Variants in CIP2A observed in about 807,000 individuals in gnomAD.
CIP2A encodes protein CIP2A.
In CIP2A, 103 loss-of-function variants were observed where a neutral mutation model predicts 110.9. The observed-to-expected ratio is 0.93, with a 90% CI of 0.79 to 1.09. The LOEUF (loss-of-function observed/expected upper bound fraction) is 1.09, where lower values mean the gene tolerates loss of function less well. CIP2A is among the 50% of genes least tolerant of loss of function. CIP2A has a pLI of 0.00. For missense variants in CIP2A, 1,088 were observed against 1,038.4 expected (o/e 1.05, Z -0.66); for synonymous variants, 381 against 361.6 (o/e 1.05, Z -0.61).
intron 1 of CIP2A, 112 bp from the exon 2 acceptor site, chr3:108,585,324 T>G: frequency 1.0e-6 from 1 of 975,032 alleles, no homozygotes; most frequent in Non-Finnish European, 1.5e-6. Flanking sequence ...CTTCCCAATT[T>G]AAAAAATTCA....
At chr3:108,564,854 C>T (rs1268252565) in intron 12 of CIP2A, among the ~76,000 whole-genome samples, 1 of 151,790 alleles carries the variant, frequency 6.6e-6, no homozygotes, top group Admixed American at 6.6e-5. Context: ...ATTTGTTGTA[C>T]TTTGCCTTTT....
chr3:108,560,230 G>T (rs1937953039), intron 14 of CIP2A, among the ~76,000 whole-genome samples: 1 of 151,494 alleles, frequency 6.6e-6, no homozygotes, highest in Non-Finnish European at 1.5e-5. Context: ...GGAGTGAAGT[G>T]GTATGATCTT....
chr3:108,579,781 T>C, intron 5 of CIP2A, 93 bp from the exon 6 acceptor site: 1 of 574,790 alleles, frequency 1.7e-6, no homozygotes, highest in Non-Finnish European at 2.8e-6. Flanking sequence ...CAAACTTTTA[T>C]TAAACATCAT....
At chr3:108,563,022 T>G (rs1031891126) in intron 13 of CIP2A, 104 bp downstream of exon 13, 1 of 682,600 alleles carries the variant, frequency 1.5e-6, no homozygotes, top group African/African-American at 1.8e-5. Context: ...TACAATGAAG[T>G]CTTCAATTCA....
At chr3:108,582,437 T>C (rs1938914536) in intron 3 of CIP2A, among the ~76,000 whole-genome samples, 1 of 152,212 alleles carries the variant, frequency 6.6e-6, no homozygotes, top group Non-Finnish European at 1.5e-5. Context: ...ATCTTAAACT[T>C]GAATGCAGTT....
At chr3:108,561,098 G>A (rs1413787339) in intron 13 of CIP2A, among the ~76,000 whole-genome samples, 1 of 152,128 alleles carries the variant, frequency 6.6e-6, no homozygotes, top group Non-Finnish European at 1.5e-5. Context: ...GTTTATGAGT[G>A]TGGATTATCT....
chr3:108,559,007 G>C (rs1255046431), intron 16 of CIP2A, among the ~76,000 whole-genome samples: 2 of 152,100 alleles, frequency 1.3e-5, no homozygotes, highest in Non-Finnish European at 2.9e-5. Flanking sequence ...GAGATCCTTG[G>C]GGGAGCGGCT....
chr3:108,580,436 A>AACACACACACACACACACACACACAC (rs375166090), intron 5 of CIP2A, among the ~76,000 whole-genome samples: 1 of 142,162 alleles, frequency 7.0e-6, no homozygotes, highest in Non-Finnish European at 1.5e-5. Flanking sequence ...CAGAAATTGA[A>AACACACACACACACACACACACACAC]ACACACACAC....
intron 8 of CIP2A, among the ~76,000 whole-genome samples, chr3:108,573,179 T>C (rs1396417576): frequency 1.3e-5 from 2 of 152,080 alleles, no homozygotes; most frequent in Non-Finnish European, 2.9e-5. Flanking sequence ...TATGTGTCAC[T>C]GATTTTGATT....
In CIP2A at chr3:108,572,041, T is replaced by C. The variant is rs796446104; in HGVS notation, c.895-2434A>G. On this transcript the variant is annotated intron_variant, in intron 8 of 20. Coordinates refer to ENST00000295746, the MANE Select transcript of CIP2A (RefSeq NM_020890.3). ...TTGCTCAAGTATCTGTTCGGCTCTG[T>C]GTTTTTTCGGATATATACATACAAT... 9.2e-5 allele frequency among the ~76,000 whole-genome samples: 14 copies of C among 152,228 alleles called. 2 individuals are homozygous for C. Among genetic ancestry groups the C allele is most frequent in the African/African-American group, 3.4e-4 (14 of 41,572 alleles).
At chr3:108,563,353 T>C (rs1938073215) in intron 12 of CIP2A, 109 bp from the exon 13 acceptor site, 1 of 709,986 alleles carries the variant, frequency 1.4e-6, no homozygotes. Flanking sequence ...AGGCAAATTC[T>C]AAAATGTTTC....
Position 108,560,858 on chromosome 3 carries a change from G to C in CIP2A, c.1635-17C>G. ...TCTCCAAGTCTGAATGGGAGTCAAAGAAAGGAAAAAAAAATTATACGAAAA... is the reference window on the plus strand; with the variant it reads ...TCTCCAAGTCTGAATGGGAGTCAAACAAAGGAAAAAAAAATTATACGAAAA... On this transcript the variant is annotated splice_polypyrimidine_tract_variant and intron_variant, in intron 13 of 20. Coordinates refer to ENST00000295746, the MANE Select transcript of CIP2A (RefSeq NM_020890.3). 1 of 1,491,972 alleles carries C rather than the reference G, an allele frequency of 6.7e-7. No individual in the cohort carries two copies. Among genetic ancestry groups the C allele is most frequent in the Non-Finnish European group, 9.0e-7 (1 of 1,116,860 alleles). 92.4% of individuals were successfully genotyped at this position (1,491,972 alleles called of 1,614,324 possible).
chr3:108,574,294 A>T (rs1938493820), intron 8 of CIP2A, among the ~76,000 whole-genome samples: 1 of 152,154 alleles, frequency 6.6e-6, no homozygotes, highest in Admixed American at 6.5e-5. Context: ...TTTAAATTAT[A>T]ATGCAATACT....
At chr3:108,565,296 C>A (rs530687632) in intron 12 of CIP2A, 59 bp downstream of exon 12, 33 of 818,460 alleles carry the variant, frequency 4.0e-5, no homozygotes, top group Middle Eastern at 3.0e-4. Flanking sequence ...AAAACAGAAA[C>A]TTATATTAGG....
rs750143113 is a variant in CIP2A at position 108,553,646 on chromosome 3, A to G, written c.2407+2T>C. The G allele has an allele frequency of 1.7e-5, 27 of 1,555,042 alleles. 1 individual carries two copies. The South Asian group carries it at 3.0e-4, about 17-fold the overall frequency. Reference sequence around the variant, plus strand: ...AAATGTATTAAATAAGAAGCCACTTACTTGCTAGCTTATGTTCTCTGTCTA... The same window carrying G: ...AAATGTATTAAATAAGAAGCCACTTGCTTGCTAGCTTATGTTCTCTGTCTA... On this transcript the variant is annotated splice_donor_variant, in intron 19 of 20. Coordinates refer to ENST00000295746, the MANE Select transcript of CIP2A (RefSeq NM_020890.3). LOFTEE classifies it high-confidence loss of function.
At chr3:108,565,138 T>C (rs1938139425) in intron 12 of CIP2A, among the ~76,000 whole-genome samples, 1 of 151,906 alleles carries the variant, frequency 6.6e-6, no homozygotes, top group African/African-American at 2.4e-5. Context: ...TTCTCTACAT[T>C]AGTGTCATGA....
At chr3:108,586,473 T>A (rs1230179232) in intron 1 of CIP2A, among the ~76,000 whole-genome samples, 1 of 152,218 alleles carries the variant, frequency 6.6e-6, no homozygotes, top group African/African-American at 2.4e-5. Context: ...GTAATAATTA[T>A]ATGCACTAGG....
intron 12 of CIP2A, 101 bp from the exon 13 acceptor site, chr3:108,563,345 G>A: frequency 1.4e-6 from 1 of 723,450 alleles, no homozygotes; most frequent in South Asian, 1.7e-5. Flanking sequence ...TTAATTCTAG[G>A]CAAATTCTAA....
rs1229579571 is a variant in CIP2A, at chr3:108,566,658, T to A, written c.1274-20A>T. 6.6e-7 allele frequency: 1 copy of A among 1,512,048 alleles called. No homozygotes were observed. The highest frequency in any genetic ancestry group is 8.9e-7 in the Non-Finnish European group (1 of 1,123,490). The allele number at this position is 1,512,048 out of a possible 1,614,324, so 93.7% of individuals were successfully genotyped here. On this transcript the variant is annotated intron_variant, in intron 10 of 20. Transcript: ENST00000295746. ...AGAGAGGTTAAGTTTTGTTAAGATA[T>A]ACAACAAAAAAATTCTCACTTTATG...
Sources: gnomAD v4.1 joint callset for allele counts (sites outside exome capture counted in the v4.1 genomes callset) on GRCh38, gnomAD v4.1.1 for gene constraint, MANE v1.5 for transcripts, NCBI Gene and HGNC (gene_info 2026-07-23, HGNC 2026-07-21) for gene names.